Variants in TTC22 observed in about 807,000 individuals in gnomAD.
TTC22 encodes the protein tetratricopeptide repeat protein 22.
Under a neutral mutation model 48.2 loss-of-function variants are expected in TTC22, and 42 were observed. That is an observed-to-expected ratio of 0.87 (90% CI 0.68 to 1.13). The LOEUF (loss-of-function observed/expected upper bound fraction) is 1.13. Ranked by LOEUF, TTC22 falls within the 50% of genes most tolerant of loss-of-function variation. The pLI, the probability that TTC22 is intolerant of heterozygous loss-of-function variation, is 0.00. For synonymous variants in TTC22, 345 were observed against 365.5 expected (o/e 0.94, Z 0.64); for missense variants, 784 against 807.0 (o/e 0.97, Z 0.34).
At chr1:54,797,819 G>A (rs1309319459) in intron 1 of TTC22, among the ~76,000 whole-genome samples, 1 of 152,182 alleles carries the variant, frequency 6.6e-6, no homozygotes, top group African/African-American at 2.4e-5. Context: ...CAGATGAGCA[G>A]CTGTTCACAG....
At chr1:54,795,528 C>T (rs1646383752) in intron 1 of TTC22, among the ~76,000 whole-genome samples, 1 of 152,166 alleles carries the variant, frequency 6.6e-6, no homozygotes, top group Non-Finnish European at 1.5e-5. Flanking sequence ...GTGAGAGGGC[C>T]ATTCCCTATC....
At chr1:54,793,857 C>T (rs1646370630) in intron 1 of TTC22, among the ~76,000 whole-genome samples, 1 of 152,172 alleles carries the variant, frequency 6.6e-6, no homozygotes, top group Non-Finnish European at 1.5e-5. Flanking sequence ...GGCATGCACC[C>T]AGAGTGACAC....
At position 54,781,211 on chromosome 1, in the gene TTC22, C is replaced by T; in HGVS notation, c.*32G>A. 1 of 1,393,306 alleles carries T rather than the reference C, an allele frequency of 7.2e-7. No individual in the cohort carries two copies. Among genetic ancestry groups the T allele is most frequent in the South Asian group, 1.5e-5 (1 of 65,250 alleles). 86.3% of individuals were successfully genotyped at this position (1,393,306 alleles called of 1,614,324 possible). On this transcript the variant is annotated 3_prime_UTR_variant, in exon 7 of 7. Transcript: ENST00000371276. ...CAGCTGGGCGGGGCCTGGGCGGGGTCCCAGGGAGCCTCCGGCCTGGGCACC... is the reference window on the plus strand; with the variant it reads ...CAGCTGGGCGGGGCCTGGGCGGGGTTCCAGGGAGCCTCCGGCCTGGGCACC...
At position 54,801,234 on chromosome 1, in the gene TTC22, C is replaced by T; in HGVS notation, c.-71G>A. ...GTGGAGGGCAGTGGATGGGGGCGTT[C>T]CCCGAGCGAGCTCCGTGCGGGAGGC... is the stretch of plus-strand genomic sequence containing the variant. On this transcript the variant is annotated 5_prime_UTR_variant, in exon 1 of 7. Coordinates refer to ENST00000371276, the MANE Select transcript of TTC22 (RefSeq NM_001114108.2). The T allele has an allele frequency of 6.7e-7, 1 of 1,490,238 alleles. No homozygotes were observed. Among genetic ancestry groups the T allele is most frequent in the South Asian group, 1.2e-5 (1 of 83,006 alleles). 92.3% of individuals were successfully genotyped at this position (1,490,238 alleles called of 1,614,324 possible). A position where few individuals can be genotyped will look rare whatever the true frequency, so the allele number is the denominator to read the frequency against.
At chr1:54,788,843 G>T (rs1449431145) in intron 1 of TTC22, among the ~76,000 whole-genome samples, 1 of 152,170 alleles carries the variant, frequency 6.6e-6, no homozygotes, top group Non-Finnish European at 1.5e-5. Flanking sequence ...TGGGGTGAAT[G>T]CATTTGTGAG....
At chr1:54,786,204 A>T in intron 4 of TTC22, 60 bp from the exon 5 acceptor site, 1 of 1,539,996 alleles carries the variant, frequency 6.5e-7, no homozygotes, top group Non-Finnish European at 8.9e-7. Context: ...AGAGCTGGCT[A>T]AACAGTGCTG....
At chr1:54,797,492 A>T (rs953362497) in intron 1 of TTC22, among the ~76,000 whole-genome samples, 2 of 152,210 alleles carry the variant, frequency 1.3e-5, no homozygotes, top group African/African-American at 4.8e-5. Flanking sequence ...CTACAAAAAT[A>T]CAAAAATTAG....
intron 1 of TTC22, among the ~76,000 whole-genome samples, chr1:54,791,622 A>G (rs1646352416): frequency 6.6e-6 from 1 of 152,088 alleles, no homozygotes; most frequent in African/African-American, 2.4e-5. Flanking sequence ...ATCTGGAGCC[A>G]TCCTGTGGCA....
chr1:54,787,710 C>T lies in TTC22; in HGVS notation c.739+1G>A, dbSNP rs186155194. 8 of 1,610,500 alleles carry T rather than the reference C, an allele frequency of 5.0e-6. No individual in the cohort carries two copies. The highest frequency in any genetic ancestry group is 6.8e-6 in the Non-Finnish European group (8 of 1,178,260). On this transcript the variant is annotated splice_donor_variant, in intron 3 of 6. Transcript: ENST00000371276. LOFTEE classifies it high-confidence loss of function. Reference sequence around the variant, plus strand: ...GTCCCACCCATCCCCCGGGTCCCCACCTCGGTGGCGGGGGTCCTCGGACTT... The same window carrying T: ...GTCCCACCCATCCCCCGGGTCCCCATCTCGGTGGCGGGGGTCCTCGGACTT...
Position 54,787,084 on chromosome 1 carries a change from GA to G in TTC22, c.740-10del. 3.4e-6 allele frequency: 5 copies of G among 1,455,090 alleles called. No homozygotes were observed. Among genetic ancestry groups the G allele is most frequent in the African/African-American group, 1.4e-5 (1 of 70,966 alleles). The allele number at this position is 1,455,090 out of a possible 1,614,324, so 90.1% of individuals were successfully genotyped here. ...GTAGCACCAGGCCAGGGCTGGGGGTGAAGGGTGGGAGAGGGTCTCTAGGAAG... is the reference window on the plus strand; with the variant it reads ...GTAGCACCAGGCCAGGGCTGGGGGTGAGGGTGGGAGAGGGTCTCTAGGAAG... On this transcript the variant is annotated splice_polypyrimidine_tract_variant and intron_variant, in intron 3 of 6. Transcript: ENST00000371276.
Position 54,787,465 on chromosome 1 carries a change from A to G in TTC22, c.739+246T>C, listed in dbSNP as rs1399993711. The G allele has an allele frequency of 6.8e-6, 4 of 584,364 alleles. No homozygotes were observed. The East Asian group carries it at 1.1e-4, about 17-fold the overall frequency. 36.2% of individuals were successfully genotyped at this position (584,364 alleles called of 1,614,324 possible). ...TAAATAGGTGGAAATAGGGGAAACT[A>G]CCTCTCACCCTCCAGGTCATGAGCT... is the stretch of plus-strand genomic sequence containing the variant. On this transcript the variant is annotated intron_variant, in intron 3 of 6. Coordinates refer to ENST00000371276, the MANE Select transcript of TTC22 (RefSeq NM_001114108.2).
rs1147984 is a variant in TTC22 at position 54,801,172 on chromosome 1, C to T, written c.-9G>A. 0.59 allele frequency: 948,875 copies of T among 1,610,554 alleles called. 283,503 individuals carry two copies. Among genetic ancestry groups the T allele is most frequent in the South Asian group, 0.66 (60,107 of 90,992 alleles). On this transcript the variant is annotated 5_prime_UTR_variant, in exon 1 of 7. Transcript: ENST00000371276. ...GCCTCCAGCTCCGCCATGACTGCTCCCTCTGCTCCCCTGGCCTCACCCTTG... is the reference window on the plus strand; with the variant it reads ...GCCTCCAGCTCCGCCATGACTGCTCTCTCTGCTCCCCTGGCCTCACCCTTG...
Position 54,782,402 on chromosome 1 carries a change from G to C in TTC22, c.1096C>G (p.Leu366Val). 2 of 1,551,562 alleles carry C rather than the reference G, an allele frequency of 1.3e-6. No individual in the cohort carries two copies. Among genetic ancestry groups the C allele is most frequent in the Non-Finnish European group, 1.7e-6 (2 of 1,146,942 alleles). Residue 366 changes from leucine (L) to valine (V), a missense_variant, in exon 6 of 7, where the codon CTG becomes GTG. Coordinates refer to ENST00000371276, the MANE Select transcript of TTC22 (RefSeq NM_001114108.2). ...GLGGMPDRNH[L>V]ACAKADLEEV... Reference sequence around the variant, plus strand: ...TCAAGGTCAGCCTTGGCACAGGCCAGGTGGTTCCTGTCAGGCATGCCCCCG... The same window carrying C: ...TCAAGGTCAGCCTTGGCACAGGCCACGTGGTTCCTGTCAGGCATGCCCCCG...
Position 54,786,109 on chromosome 1 carries a change from C to G in TTC22, c.894G>C (p.Leu298=), listed in dbSNP as rs774090422. 1.2e-6 allele frequency: 2 copies of G among 1,614,134 alleles called. No individual in the cohort carries two copies. The highest frequency in any genetic ancestry group is 1.7e-6 in the Non-Finnish European group (2 of 1,180,014). ...IEIAKNQPPI[L]NRLAKIFYFL... is the part of the protein sequence containing the mutation. Reference sequence around the variant, plus strand: ...AGTAGAAGATTTTTGCCAGGCGATTCAGGATGGGAGGTTGGTTCTTGGCAA... The same window carrying G: ...AGTAGAAGATTTTTGCCAGGCGATTGAGGATGGGAGGTTGGTTCTTGGCAA... The change falls in exon 5 of 7, where the codon CTG becomes CTC. Residue 298 remains leucine (L), a synonymous_variant. Coordinates refer to ENST00000371276, the MANE Select transcript of TTC22 (RefSeq NM_001114108.2).
intron 1 of TTC22, among the ~76,000 whole-genome samples, chr1:54,792,080 C>T (rs1646356143): frequency 6.6e-6 from 1 of 152,256 alleles, no homozygotes; most frequent in Admixed American, 6.5e-5. Flanking sequence ...ACTAAGCAAG[C>T]AATACCACCA....
At chr1:54,782,246 G>T in intron 6 of TTC22, 79 bp downstream of exon 6, 1 of 1,387,840 alleles carries the variant, frequency 7.2e-7, no homozygotes, top group Non-Finnish European at 9.5e-7. Flanking sequence ...TCTGCATCTT[G>T]GCCTAGCCCT....
chr1:54,781,623 T>C lies in TTC22; in HGVS notation c.1330A>G (p.Ile444Val), dbSNP rs1448342569. 2.0e-6 allele frequency: 3 copies of C among 1,530,026 alleles called. No individual in the cohort carries two copies. Among genetic ancestry groups the C allele is most frequent in the South Asian group, 1.2e-5 (1 of 83,250 alleles). The allele number at this position is 1,530,026 out of a possible 1,614,324, so 94.8% of individuals were successfully genotyped here. Residue 444 changes from isoleucine to valine, a missense_variant, in exon 7 of 7, where the codon ATC becomes GTC. Transcript: ENST00000371276. ...GCCGCGTTGGCGTCCTCGCCCTTGA[T>C]GCGCAGGCACTTGCCGCGCAGCAGC... ...LQLLRGKCLR[I>V]KGEDANAAAC...
At position 54,788,106 on chromosome 1, in the gene TTC22, A is replaced by T. The variant is rs1375514837; in HGVS notation, c.568-9T>A. On this transcript the variant is annotated splice_polypyrimidine_tract_variant and intron_variant, in intron 1 of 6. Transcript: ENST00000371276. The stretch of plus-strand genomic sequence containing the variant: ...TTCTCCTCCATCGGGATCTAGGGAA[A>T]CAGAGAACAGCCCACACTGCCATTA... 6.2e-7 allele frequency: 1 copy of T among 1,613,828 alleles called. No homozygotes were observed. The highest frequency in any genetic ancestry group is 1.1e-5 in the South Asian group (1 of 91,068).
intron 4 of TTC22, chr1:54,786,729 G>C (rs1276667774): frequency 7.4e-6 from 3 of 405,466 alleles, no homozygotes; most frequent in African/African-American, 6.2e-5. Flanking sequence ...AAAGTCTAAG[G>C]GTCTATTTCA....
Sources: gnomAD v4.1 joint callset for allele counts (sites outside exome capture counted in the v4.1 genomes callset) on GRCh38, gnomAD v4.1.1 for gene constraint, MANE v1.5 for transcripts, NCBI Gene and HGNC (gene_info 2026-07-23, HGNC 2026-07-21) for gene names.